The following SGCD variants were observed in gnomAD, a reference collection of about 807,000 sequenced individuals.
SGCD encodes delta-sarcoglycan.
In SGCD, 18 loss-of-function variants were observed where a neutral mutation model predicts 36.6. That is an observed-to-expected ratio of 0.49 (90% CI 0.34 to 0.73). The LOEUF (loss-of-function observed/expected upper bound fraction) is 0.73, where lower values mean the gene tolerates loss of function less well. Ranked by LOEUF, SGCD falls within the 30% of genes least tolerant of loss-of-function variation. The probability of loss-of-function intolerance (pLI) is 0.01; values close to 1 mark genes in which losing one functional copy is unlikely to be tolerated. For missense variants in SGCD, 387 were observed against 346.7 expected (o/e 1.12, Z -0.92); for synonymous variants, 133 against 130.6 (o/e 1.02, Z -0.12).
intron 1 of SGCD, among the ~76,000 whole-genome samples, chr5:156,010,674 C>T (rs1329993148): frequency 1.3e-5 from 2 of 152,138 alleles, no homozygotes; most frequent in East Asian, 1.9e-4. Flanking sequence ...TATATTATCT[C>T]ATTTAATCTT....
chr5:156,384,864 G>A (rs1304824867), intron 3 of SGCD, among the ~76,000 whole-genome samples: 1 of 152,150 alleles, frequency 6.6e-6, no homozygotes, highest in Non-Finnish European at 1.5e-5. Context: ...GGAGCCTGGG[G>A]CTTGTTAGTT....
chr5:156,092,964 A>G (rs1345952411), intron 1 of SGCD, among the ~76,000 whole-genome samples: 1 of 152,178 alleles, frequency 6.6e-6, no homozygotes, highest in Admixed American at 6.5e-5. Flanking sequence ...ATTGACCAGG[A>G]AATTGATTAG....
intron 2 of SGCD, among the ~76,000 whole-genome samples, chr5:156,343,999 C>T (rs184714802): frequency 7.2e-5 from 11 of 152,268 alleles, no homozygotes; most frequent in African/African-American, 2.4e-4. Flanking sequence ...AAAGCTGCCA[C>T]GGTTGCCACT....
chr5:155,743,198 C>T, the SGCD span, among the ~76,000 whole-genome samples: 1 of 152,158 alleles, frequency 6.6e-6, no homozygotes, highest in Admixed American at 6.5e-5. Context: ...TATAAAGGCT[C>T]AACCCTACAA....
At chr5:156,742,406 C>T (rs1215120680) in intron 7 of SGCD, among the ~76,000 whole-genome samples, 1 of 152,082 alleles carries the variant, frequency 6.6e-6, no homozygotes, top group African/African-American at 2.4e-5. Flanking sequence ...ATTCTCTTCC[C>T]TCTCTCAGTG....
At chr5:155,836,928 G>A in the SGCD span, among the ~76,000 whole-genome samples, 1 of 152,044 alleles carries the variant, frequency 6.6e-6, no homozygotes, top group Non-Finnish European at 1.5e-5. Context: ...AGGGTAAAAA[G>A]GAGTTTGGGT....
chr5:156,234,759 CA>C (rs991747183), intron 3 of SGCD, among the ~76,000 whole-genome samples: 61 of 152,080 alleles, frequency 4.0e-4, no homozygotes, highest in Admixed American at 3.3e-4. Flanking sequence ...AGACCCTAGG[CA>C]AATGTTATTA....
chr5:156,372,983 C>T (rs1177794623), intron 3 of SGCD, among the ~76,000 whole-genome samples: 1 of 151,952 alleles, frequency 6.6e-6, no homozygotes, highest in Non-Finnish European at 1.5e-5. Context: ...CATTTCTCTA[C>T]ATTTAAGGTG....
intron 1 of SGCD, among the ~76,000 whole-genome samples, chr5:155,993,530 A>T (rs1342987600): frequency 1.3e-5 from 2 of 151,848 alleles, no homozygotes; most frequent in African/African-American, 4.8e-5. Flanking sequence ...TTTTTAGTAG[A>T]GATGGAGTTT....
intron 3 of SGCD, among the ~76,000 whole-genome samples, chr5:156,155,758 G>A (rs2311451): frequency 0.32 from 48,990 of 151,296 alleles, 8,871 homozygotes; most frequent in East Asian, 0.57. Flanking sequence ...GGAGCTTGTC[G>A]AAAGACTGAC....
chr5:156,393,436 TAC>T lies in SGCD; in HGVS notation c.192+48761_192+48762del, dbSNP rs765630373. On this transcript the variant is annotated intron_variant, in intron 3 of 8. Coordinates refer to ENST00000337851, the MANE Select transcript of SGCD (RefSeq NM_000337.6). ...ATTAAAATTAAATCATTTATAAACA[TAC>T]AGTTAAATAAATTAAAAGATAATAA... 2.2e-4 allele frequency among the ~76,000 whole-genome samples: 34 copies of T among 152,344 alleles called. 1 individual carries two copies. The highest frequency in any genetic ancestry group is 9.8e-4 in the Admixed American group (15 of 15,306).
At chr5:156,675,308 A>T (rs1162282524) in intron 7 of SGCD, among the ~76,000 whole-genome samples, 1 of 152,224 alleles carries the variant, frequency 6.6e-6, no homozygotes, top group Non-Finnish European at 1.5e-5. Flanking sequence ...TGTTAATTTC[A>T]GGGGCTTCAT....
At chr5:155,884,481 G>A (rs149920595) in intron 1 of SGCD, among the ~76,000 whole-genome samples, 1 of 152,112 alleles carries the variant, frequency 6.6e-6, no homozygotes, top group African/African-American at 2.4e-5. Context: ...TTCACTTAAC[G>A]ACTTTGCTGA....
At chr5:156,135,856 T>A (rs1394417973) in intron 3 of SGCD, among the ~76,000 whole-genome samples, 3 of 152,206 alleles carry the variant, frequency 2.0e-5, no homozygotes, top group African/African-American at 7.2e-5. Context: ...ATATTTTAGA[T>A]TCCTGAAGGT....
chr5:155,822,539 T>TAG, the SGCD span, among the ~76,000 whole-genome samples: 7 of 124,140 alleles, frequency 5.6e-5, no homozygotes, highest in East Asian at 1.5e-3. Context: ...AATACTGAAC[T>TAG]AGATTAAATG....
chr5:156,714,543 T>C (rs1211841282), intron 7 of SGCD, among the ~76,000 whole-genome samples: 1 of 151,810 alleles, frequency 6.6e-6, no homozygotes, highest in Non-Finnish European at 1.5e-5. Flanking sequence ...AGTTATGTAT[T>C]GATCAGTTGA....
At chr5:156,015,899 TTTTA>T (rs1758965265) in intron 1 of SGCD, among the ~76,000 whole-genome samples, 1 of 144,168 alleles carries the variant, frequency 6.9e-6, no homozygotes, top group African/African-American at 2.8e-5. Flanking sequence ...TCCACATATA[TTTTA>T]TATATATATA....
intron 7 of SGCD, among the ~76,000 whole-genome samples, chr5:156,694,842 C>T (rs1754245735): frequency 6.6e-6 from 1 of 152,030 alleles, no homozygotes; most frequent in African/African-American, 2.4e-5. Context: ...TAAAAATCCA[C>T]TTGGATTTAG....
At chr5:156,025,676 C>T (rs1759212270) in intron 1 of SGCD, among the ~76,000 whole-genome samples, 1 of 152,074 alleles carries the variant, frequency 6.6e-6, no homozygotes, top group Admixed American at 6.5e-5. Context: ...TTCCTAATCC[C>T]CTTGGTGGTA....
Sources: allele counts gnomAD v4.1 joint callset (sites outside exome capture counted in the v4.1 genomes callset), GRCh38; gene constraint gnomAD v4.1.1; transcripts MANE v1.5; gene names NCBI Gene and HGNC (gene_info 2026-07-23, HGNC 2026-07-21).